The following DLG2 variants were observed in gnomAD, a reference collection of about 807,000 sequenced individuals.
DLG2 encodes the protein discs large MAGUK scaffold protein 2.
A neutral mutation model predicts 132.5 loss-of-function variants in DLG2; 45 were observed. The ratio of observed to expected loss-of-function variants is 0.34; its 90% CI spans 0.27 to 0.44. The LOEUF (loss-of-function observed/expected upper bound fraction) is 0.44. Ranked by LOEUF, DLG2 falls within the 20% of genes least tolerant of loss-of-function variation. The probability of loss-of-function intolerance (pLI) is 1.00; values close to 1 mark genes in which losing one functional copy is unlikely to be tolerated. For missense variants in DLG2, 1,045 were observed against 1,196.9 expected, an observed-to-expected ratio of 0.87 and a Z score of 1.87; for synonymous variants, 424 against 419.6, an observed-to-expected ratio of 1.01 and a Z score of -0.13.
intron 18 of DLG2, among the ~76,000 whole-genome samples, chr11:83,755,309 T>C (rs2093600645): frequency 6.6e-6 from 1 of 151,324 alleles, no homozygotes; most frequent in Non-Finnish European, 1.5e-5. Flanking sequence ...TACTCTGATA[T>C]CGAGTTTGCG....
chr11:83,464,102 A>C (rs945354001), intron 26 of DLG2, among the ~76,000 whole-genome samples: 2 of 152,266 alleles, frequency 1.3e-5, no homozygotes, highest in African/African-American at 4.8e-5. Flanking sequence ...TGAAGACAGA[A>C]GTAAACACAG....
chr11:84,510,094 C>CTTATTA (rs10680572), intron 7 of DLG2, among the ~76,000 whole-genome samples: 22,397 of 146,466 alleles, frequency 0.15, 1,733 homozygotes, highest in African/African-American at 0.18. Context: ...TAAGAGTTCA[C>CTTATTA]TTATTATTAT....
chr11:84,146,962 A>G (rs2095108826), intron 9 of DLG2, among the ~76,000 whole-genome samples: 1 of 152,100 alleles, frequency 6.6e-6, no homozygotes, highest in Admixed American at 6.6e-5. Flanking sequence ...TCATATGGCA[A>G]AAAGACCACA....
At chr11:83,737,059 C>T (rs917264296) in intron 18 of DLG2, among the ~76,000 whole-genome samples, 1 of 152,114 alleles carries the variant, frequency 6.6e-6, no homozygotes, top group Non-Finnish European at 1.5e-5. Context: ...AAGCCATAGG[C>T]CACACTGTAG....
At chr11:84,220,971 T>TA (rs1555431814) in intron 8 of DLG2, among the ~76,000 whole-genome samples, 5 of 149,878 alleles carry the variant, frequency 3.3e-5, no homozygotes, top group Admixed American at 3.3e-4. Flanking sequence ...TTTTTTTTTT[T>TA]ACTTTTTTTT....
At chr11:85,013,300 C>T (rs780590970) in intron 6 of DLG2, among the ~76,000 whole-genome samples, 2 of 152,128 alleles carry the variant, frequency 1.3e-5, no homozygotes, top group Non-Finnish European at 2.9e-5. Flanking sequence ...TAGCTTCTGT[C>T]TGACTCCCTC....
chr11:85,154,315 G>T (rs1226162815), intron 5 of DLG2, among the ~76,000 whole-genome samples: 1 of 152,106 alleles, frequency 6.6e-6, no homozygotes, highest in African/African-American at 2.4e-5. Context: ...GTGATAACCA[G>T]CACTTGAAGA....
chr11:85,555,144 T>C (rs1295048952), intron 3 of DLG2, among the ~76,000 whole-genome samples: 1 of 151,878 alleles, frequency 6.6e-6, no homozygotes, highest in Non-Finnish European at 1.5e-5. Context: ...GTCTGTGCAG[T>C]GGGCAAGAAT....
chr11:84,417,439 C>A (rs745848987), intron 7 of DLG2, among the ~76,000 whole-genome samples: 9 of 152,084 alleles, frequency 5.9e-5, no homozygotes, highest in Non-Finnish European at 1.0e-4. Context: ...GTACTAAAGT[C>A]CATCTCTTTC....
At chr11:84,620,602 G>T (rs1274543751) in intron 6 of DLG2, among the ~76,000 whole-genome samples, 1 of 151,986 alleles carries the variant, frequency 6.6e-6, no homozygotes, top group East Asian at 1.9e-4. Flanking sequence ...GCAGACACAT[G>T]AATGCTGAAT....
chr11:85,061,042 G>C (rs1239875172), intron 6 of DLG2, among the ~76,000 whole-genome samples: 1 of 151,540 alleles, frequency 6.6e-6, no homozygotes, highest in Non-Finnish European at 1.5e-5. Flanking sequence ...GCCTTCTATG[G>C]AGAAATGTCT....
chr11:83,619,376 T>A (rs1413954647), intron 19 of DLG2, among the ~76,000 whole-genome samples: 2 of 152,176 alleles, frequency 1.3e-5, no homozygotes, highest in Non-Finnish European at 2.9e-5. Flanking sequence ...ATCAAATACA[T>A]CTAAGAAAAT....
intron 6 of DLG2, among the ~76,000 whole-genome samples, chr11:85,018,610 C>T (rs774682790): frequency 6.6e-6 from 1 of 152,072 alleles, no homozygotes; most frequent in Admixed American, 6.6e-5. Context: ...TTTCTCATAC[C>T]TCTACCTCAC....
At chr11:84,345,872 G>A (rs1219027931) in intron 7 of DLG2, among the ~76,000 whole-genome samples, 3 of 152,112 alleles carry the variant, frequency 2.0e-5, no homozygotes, top group Admixed American at 2.0e-4. Flanking sequence ...GACTTGAATA[G>A]TAGTATCCGA....
chr11:84,065,994 T>G (rs1035042008), intron 10 of DLG2, among the ~76,000 whole-genome samples: 35 of 152,226 alleles, frequency 2.3e-4, no homozygotes, highest in African/African-American at 8.2e-4. Flanking sequence ...ATGATCTCAT[T>G]TATGTAAGTG....
chr11:84,276,473 T>C (rs2097784083), intron 7 of DLG2, among the ~76,000 whole-genome samples: 1 of 152,212 alleles, frequency 6.6e-6, no homozygotes, highest in African/African-American at 2.4e-5. Flanking sequence ...TGAGCTCTAC[T>C]ATGTGCCAAG....
At chr11:84,104,076 A>C (rs1359925655) in intron 9 of DLG2, among the ~76,000 whole-genome samples, 1 of 152,176 alleles carries the variant, frequency 6.6e-6, no homozygotes, top group Non-Finnish European at 1.5e-5. Flanking sequence ...CATATCATGG[A>C]GAAATGGTTA....
At chr11:84,439,068 T>C (rs2099009782) in intron 7 of DLG2, among the ~76,000 whole-genome samples, 2 of 152,308 alleles carry the variant, frequency 1.3e-5, no homozygotes, top group Middle Eastern at 3.4e-3. Context: ...AGACAGGACA[T>C]TGGTAGTCAG....
At chr11:85,042,599 T>C (rs2061973244) in intron 6 of DLG2, among the ~76,000 whole-genome samples, 2 of 151,986 alleles carry the variant, frequency 1.3e-5, no homozygotes, top group Admixed American at 6.6e-5. Context: ...CATGTGAATC[T>C]CTAAGAAGAA....
Sources: allele counts gnomAD v4.1 joint callset (sites outside exome capture counted in the v4.1 genomes callset), GRCh38; gene constraint gnomAD v4.1.1; transcripts MANE v1.5; gene names NCBI Gene and HGNC (gene_info 2026-07-23, HGNC 2026-07-21).